The following ASIC2 variants were observed in gnomAD, a reference collection of about 807,000 sequenced individuals.
ASIC2 encodes acid sensing ion channel subunit 2, also known as acid-sensing ion channel 2.
Under a neutral mutation model 57.3 loss-of-function variants are expected in ASIC2, and 25 were observed. That is an observed-to-expected ratio of 0.44 (90% confidence interval 0.32 to 0.61). The LOEUF (loss-of-function observed/expected upper bound fraction) is 0.61, where lower values mean the gene tolerates loss of function less well. Among genes scored for constraint, ASIC2 ranks in the 20% least tolerant of loss-of-function variants. ASIC2 has a pLI of 0.06. For synonymous variants in ASIC2, 319 were observed against 307.5 expected (o/e 1.04, Z -0.39); for missense variants, 641 against 738.1 (o/e 0.87, Z 1.52).
intron 1 of ASIC2, among the ~76,000 whole-genome samples, chr17:33,443,284 T>A (rs1477400066): frequency 6.6e-6 from 1 of 152,154 alleles, no homozygotes; most frequent in African/African-American, 2.4e-5. Flanking sequence ...TTGGGAAGTA[T>A]CCTCGCCTCC....
intron 1 of ASIC2, chr17:34,155,613 C>A (rs950795074): frequency 8.2e-6 from 2 of 244,736 alleles, no homozygotes; most frequent in Non-Finnish European, 1.6e-5. Flanking sequence ...AGAATGCCAC[C>A]TCGTCAATGA....
intron 1 of ASIC2, among the ~76,000 whole-genome samples, chr17:33,995,223 A>G (rs1440892777): frequency 1.3e-5 from 2 of 152,208 alleles, no homozygotes; most frequent in African/African-American, 4.8e-5. Flanking sequence ...TCATTTGTAG[A>G]GACAACAATG....
chr17:33,142,946 C>T (rs1023148917), intron 1 of ASIC2, among the ~76,000 whole-genome samples: 1 of 152,144 alleles, frequency 6.6e-6, no homozygotes, highest in African/African-American at 2.4e-5. Context: ...GAGTGTCTTC[C>T]AGAACACTGA....
Position 33,818,704 on chromosome 17 carries a change from A to G in ASIC2, c.555+337274T>C, listed in dbSNP as rs61326407. Among the ~76,000 whole-genome samples the G allele has an allele frequency of 3.6e-3, 544 of 152,330 alleles. 6 individuals carry two copies. Among genetic ancestry groups the G allele is most frequent in the African/African-American group, 0.012 (517 of 41,566 alleles). On this transcript the variant is annotated intron_variant, in intron 1 of 9. Transcript: ENST00000359872. ...AAGAATTATCCAGCCTAAAATGTCAATAGTGCTGAGATTGAGAAACCCTAG... is the reference window on the plus strand; with the variant it reads ...AAGAATTATCCAGCCTAAAATGTCAGTAGTGCTGAGATTGAGAAACCCTAG...
chr17:33,612,132 A>G (rs1905431035), intron 1 of ASIC2, among the ~76,000 whole-genome samples: 2 of 152,184 alleles, frequency 1.3e-5, no homozygotes, highest in Admixed American at 1.3e-4. Flanking sequence ...CCTTCAATGG[A>G]TTAAATGAGG....
chr17:34,086,134 G>A (rs963103512), intron 1 of ASIC2, among the ~76,000 whole-genome samples: 30 of 147,546 alleles, frequency 2.0e-4, no homozygotes, highest in African/African-American at 7.5e-4. Context: ...TGATGTTAGG[G>A]TGTCAATTTT....
At chr17:33,343,306 G>T (rs1007682898) in intron 1 of ASIC2, among the ~76,000 whole-genome samples, 27 of 152,124 alleles carry the variant, frequency 1.8e-4, no homozygotes, top group Non-Finnish European at 3.1e-4. Flanking sequence ...TACACTCAGA[G>T]GACTTCTGCT....
intron 1 of ASIC2, among the ~76,000 whole-genome samples, chr17:33,437,435 A>AT (rs1248061450): frequency 2.6e-5 from 4 of 152,190 alleles, no homozygotes; most frequent in Non-Finnish European, 5.9e-5. Flanking sequence ...AAATGGAAAG[A>AT]TTTTTTTAAA....
rs1395683661 is a variant in ASIC2 at position 33,023,861 on chromosome 17, G to A, written c.1349C>T (p.Ser450Leu). 1.9e-6 allele frequency: 3 copies of A among 1,614,026 alleles called. No individual in the cohort carries two copies. Among genetic ancestry groups the A allele is most frequent in the South Asian group, 2.2e-5 (2 of 91,070 alleles). ...TGCCTACCATGCCCACTAAACTTAC[G>A]AGATATATTTTTCTGATTTGTTAAA... is the stretch of plus-strand genomic sequence containing the variant. The part of the protein sequence containing the change: ...KKFNKSEKYI[S>L]ENILVLDIFF... Residue 450 changes from serine (S) to leucine (L), a missense_variant and splice_region_variant, in exon 6 of 10, where the codon TCA (serine) becomes TTA (leucine). By Grantham distance (145) the Ser-to-Leu change is moderately radical. This residue lies in a region of ASIC2 where 252 missense variants were observed against 319.8 expected (regional missense o/e 0.79). Transcript: ENST00000225823.
intron 1 of ASIC2, among the ~76,000 whole-genome samples, chr17:33,252,597 G>T (rs1908923567): frequency 6.6e-6 from 1 of 152,068 alleles, no homozygotes; most frequent in African/African-American, 2.4e-5. Flanking sequence ...TGGGTGCACA[G>T]ATGCTCCAGT....
chr17:33,767,928 A>G (rs1378493981), intron 1 of ASIC2, among the ~76,000 whole-genome samples: 3 of 152,234 alleles, frequency 2.0e-5, no homozygotes, highest in Non-Finnish European at 4.4e-5. Flanking sequence ...ACAGTGTAAC[A>G]TCTACATAAA....
chr17:33,543,298 A>AAACAAAACAG (rs1388368126), intron 1 of ASIC2, among the ~76,000 whole-genome samples: 3 of 111,044 alleles, frequency 2.7e-5, no homozygotes, highest in African/African-American at 4.1e-5. Context: ...AAACAAAACA[A>AAACAAAACAG]AAACAAAAAA....
chr17:33,423,328 T>C (rs2141973087), intron 1 of ASIC2, among the ~76,000 whole-genome samples: 1 of 152,250 alleles, frequency 6.6e-6, no homozygotes, highest in Middle Eastern at 3.4e-3. Flanking sequence ...CAGAGTTGGG[T>C]TTGAATCTGG....
chr17:33,610,054 G>GCGCGCGCA (rs375575593), intron 1 of ASIC2, among the ~76,000 whole-genome samples: 8 of 144,736 alleles, frequency 5.5e-5, no homozygotes, highest in African/African-American at 2.1e-4. Flanking sequence ...GGACAGAGGC[G>GCGCGCGCA]CACACACACA....
At chr17:33,096,736 A>G (rs2141972884) in intron 2 of ASIC2, among the ~76,000 whole-genome samples, 1 of 152,260 alleles carries the variant, frequency 6.6e-6, no homozygotes, top group Admixed American at 6.5e-5. Context: ...GGGAGTCAGG[A>G]AAGGCCTGTT....
chr17:33,579,363 A>C (rs1481181357), intron 1 of ASIC2, among the ~76,000 whole-genome samples: 1 of 151,090 alleles, frequency 6.6e-6, no homozygotes, highest in African/African-American at 2.4e-5. Context: ...GTGGCTTGGT[A>C]TGTTTACAAA....
intron 1 of ASIC2, among the ~76,000 whole-genome samples, chr17:33,217,614 G>C (rs1486930440): frequency 6.6e-6 from 1 of 152,140 alleles, no homozygotes; most frequent in Admixed American, 6.5e-5. Context: ...CCAAAGAAAG[G>C]AACTGACAGC....
intron 1 of ASIC2, among the ~76,000 whole-genome samples, chr17:33,163,653 G>T (rs2142041540): frequency 6.6e-6 from 1 of 152,214 alleles, no homozygotes; most frequent in East Asian, 1.9e-4. Flanking sequence ...CTAGCTCTAG[G>T]AGATACAGGA....
intron 1 of ASIC2, among the ~76,000 whole-genome samples, chr17:33,320,276 T>A (rs2142214694): frequency 6.6e-6 from 1 of 152,320 alleles, no homozygotes; most frequent in Non-Finnish European, 1.5e-5. Context: ...TCTGTTACTG[T>A]CTTTTTTATT....
Sources: allele counts gnomAD v4.1 joint callset (sites outside exome capture counted in the v4.1 genomes callset), GRCh38; gene constraint gnomAD v4.1.1; regional missense constraint gnomAD v4.1.1; transcripts MANE v1.5; gene names NCBI Gene and HGNC (gene_info 2026-07-23, HGNC 2026-07-21).